Variants in TANC1 observed in about 807,000 individuals in gnomAD.
TANC1 encodes the protein tetratricopeptide repeat, ankyrin repeat and coiled-coil containing 1, also known as protein TANC1.
In TANC1, 77 loss-of-function variants were observed where a neutral mutation model predicts 149.7. The ratio of observed to expected loss-of-function variants is 0.51; its 90% confidence interval spans 0.43 to 0.62. TANC1 has a LOEUF of 0.62. Among genes scored for constraint, TANC1 ranks in the 20% least tolerant of loss-of-function variants. The pLI, the probability that TANC1 is intolerant of heterozygous loss-of-function variation, is 0.00. For synonymous variants in TANC1, 854 were observed against 925.0 expected, an observed-to-expected ratio of 0.92 and a Z score of 1.39; for missense variants, 1,985 against 2,321.8, an observed-to-expected ratio of 0.85 and a Z score of 2.98.
chr2:159,072,102 C>A (rs530594123), intron 3 of TANC1, among the ~76,000 whole-genome samples: 1 of 152,204 alleles, frequency 6.6e-6, no homozygotes, highest in African/African-American at 2.4e-5. Flanking sequence ...CTGCCCAAGC[C>A]TCCCAAGTAC....
chr2:159,077,331 G>A (rs1302708478), intron 3 of TANC1, among the ~76,000 whole-genome samples: 3 of 152,138 alleles, frequency 2.0e-5, no homozygotes, highest in Non-Finnish European at 4.4e-5. Context: ...ACTTGTTTTT[G>A]TAAAGCCATT....
chr2:159,125,573 T>TCCTCCTTC (rs2049352674), intron 4 of TANC1, among the ~76,000 whole-genome samples: 1 of 138,984 alleles, frequency 7.2e-6, no homozygotes, highest in African/African-American at 2.7e-5. Context: ...ATTCCTTCCT[T>TCCTCCTTC]CCTCCCTCCC....
chr2:158,974,372 C>G (rs1229819162), intron 1 of TANC1, among the ~76,000 whole-genome samples: 1 of 152,182 alleles, frequency 6.6e-6, no homozygotes, highest in African/African-American at 2.4e-5. Context: ...ATGCTTAAGT[C>G]CCTTATTAAA....
intron 8 of TANC1, among the ~76,000 whole-genome samples, chr2:159,164,365 G>A (rs796587057): frequency 3.3e-5 from 5 of 152,292 alleles, no homozygotes; most frequent in African/African-American, 1.2e-4. Context: ...AAAATATATA[G>A]GAGGATGTTT....
chr2:159,200,968 A>G (rs2058203183), intron 19 of TANC1, among the ~76,000 whole-genome samples: 1 of 152,164 alleles, frequency 6.6e-6, no homozygotes. Flanking sequence ...CTTCCTCACC[A>G]GGCATCAGGG....
At chr2:159,011,958 C>T (rs534399256) in intron 2 of TANC1, among the ~76,000 whole-genome samples, 2 of 152,130 alleles carry the variant, frequency 1.3e-5, no homozygotes, top group African/African-American at 4.8e-5. Flanking sequence ...GGGCTGGGAC[C>T]CATCCCCAGT....
intron 7 of TANC1, among the ~76,000 whole-genome samples, chr2:159,155,326 G>T (rs1038034936): frequency 3.9e-5 from 6 of 152,198 alleles, no homozygotes; most frequent in African/African-American, 1.4e-4. Context: ...GTGCAGAGGG[G>T]AAGGACTTAT....
rs2050737700 is a variant in TANC1 at position 159,136,274 on chromosome 2, A to G, written c.340A>G (p.Lys114Glu). The G allele has an allele frequency of 6.2e-7, 1 of 1,607,214 alleles. No individual in the cohort carries two copies. Among genetic ancestry groups the G allele is most frequent in the Non-Finnish European group, 8.5e-7 (1 of 1,173,662 alleles). Residue 114 changes from lysine (K) to glutamate (E), a missense_variant, in exon 5 of 27, where the codon AAG becomes GAG. Lys to Glu is a moderately conservative substitution (Grantham distance 56). Coordinates refer to ENST00000263635, the MANE Select transcript of TANC1 (RefSeq NM_033394.3). ...TATAATGCCATTCAGAGAAGTAGCC[A>G]AGCCAACAGAGCCTGATGAGCATGG... ...AVIMPFREVA[K>E]PTEPDEHEAK...
At chr2:159,080,283 T>C (rs1182448324) in intron 3 of TANC1, among the ~76,000 whole-genome samples, 1 of 152,032 alleles carries the variant, frequency 6.6e-6, no homozygotes, top group East Asian at 1.9e-4. Context: ...GTGGTTTCCC[T>C]ACCAGTCAGG....
At chr2:158,975,350 A>G (rs1573906875) in intron 1 of TANC1, among the ~76,000 whole-genome samples, 1 of 151,926 alleles carries the variant, frequency 6.6e-6, no homozygotes, top group East Asian at 1.9e-4. Flanking sequence ...TTAGTTTTCC[A>G]CTGGCCATGT....
At chr2:159,068,627 T>TA (rs768069338) in intron 3 of TANC1, among the ~76,000 whole-genome samples, 8 of 152,082 alleles carry the variant, frequency 5.3e-5, no homozygotes, top group Admixed American at 2.0e-4. Context: ...CATTTATCCC[T>TA]AAAAAAAAGT....
chr2:159,091,974 G>T (rs2045601686), intron 3 of TANC1, among the ~76,000 whole-genome samples: 1 of 150,882 alleles, frequency 6.6e-6, no homozygotes, highest in Admixed American at 6.6e-5. Flanking sequence ...GGGGGGGTGT[G>T]TGTGTGTATG....
chr2:159,195,027 T>C (rs778741881), intron 17 of TANC1, among the ~76,000 whole-genome samples: 1 of 152,166 alleles, frequency 6.6e-6, no homozygotes, highest in Non-Finnish European at 1.5e-5. Flanking sequence ...ATCTGTAAAA[T>C]GGGCATAACA....
chr2:159,192,766 C>T (rs555844573), intron 16 of TANC1, among the ~76,000 whole-genome samples: 3 of 152,342 alleles, frequency 2.0e-5, no homozygotes, highest in Admixed American at 2.0e-4. Context: ...TCTCCTGCAT[C>T]AGTCTCCTGA....
At chr2:159,148,715 A>G (rs1411529611) in intron 5 of TANC1, 1 of 152,972 alleles carries the variant, frequency 6.5e-6, no homozygotes, top group Non-Finnish European at 1.5e-5. Context: ...GTTTTACTCC[A>G]ACACCTAAAT....
At chr2:159,043,987 C>T (rs1329814080) in intron 2 of TANC1, among the ~76,000 whole-genome samples, 2 of 152,174 alleles carry the variant, frequency 1.3e-5, no homozygotes, top group African/African-American at 4.8e-5. Flanking sequence ...GTTCTACAGA[C>T]TGTCCTGTTA....
chr2:159,152,630 C>T (rs2052970322), intron 7 of TANC1, among the ~76,000 whole-genome samples: 1 of 152,128 alleles, frequency 6.6e-6, no homozygotes, highest in Non-Finnish European at 1.5e-5. Flanking sequence ...GTTGGGACTA[C>T]AGGCATGTGC....
At chr2:158,981,129 C>T (rs1465183151) in intron 1 of TANC1, among the ~76,000 whole-genome samples, 1 of 151,984 alleles carries the variant, frequency 6.6e-6, no homozygotes, top group Non-Finnish European at 1.5e-5. Flanking sequence ...CTTCCGACCC[C>T]CTCTATGATT....
rs567962095 is a variant in TANC1, at chr2:158,985,636, C to T, written c.-125-15444C>T. Among the ~76,000 whole-genome samples the T allele has an allele frequency of 5.9e-5, 9 of 152,144 alleles. No individual in the cohort carries two copies. In the South Asian group the frequency reaches 1.9e-3, roughly 32 times the overall value. ...TTTTTGCCAGCTCTGGTTGACTGGG[C>T]CCACCTTTTTTTTCCCTTTTCTTCC... On this transcript the variant is annotated intron_variant, in intron 1 of 26. Transcript: ENST00000263635.
Sources: gnomAD v4.1 joint callset for allele counts (sites outside exome capture counted in the v4.1 genomes callset) on GRCh38, gnomAD v4.1.1 for gene constraint, MANE v1.5 for transcripts, NCBI Gene and HGNC (gene_info 2026-07-23, HGNC 2026-07-21) for gene names.